Variants in GRIK2 observed in about 807,000 individuals in gnomAD.
GRIK2 encodes glutamate ionotropic receptor kainate type subunit 2.
Under a neutral mutation model 100.3 loss-of-function variants are expected in GRIK2, and 32 were observed. That is an observed-to-expected ratio of 0.32 (90% CI 0.24 to 0.43). GRIK2 has a LOEUF of 0.43. Ranked by LOEUF, GRIK2 falls within the 20% of genes least tolerant of loss-of-function variation. The pLI is 1.00. For synonymous variants in GRIK2, 417 were observed against 389.4 expected, an observed-to-expected ratio of 1.07 and a Z score of -0.83; for missense variants, 843 against 1,114.9, an observed-to-expected ratio of 0.76 and a Z score of 3.47.
chr6:101,778,400 T>G (rs567873524), intron 7 of GRIK2, among the ~76,000 whole-genome samples: 1 of 152,280 alleles, frequency 6.6e-6, no homozygotes, highest in East Asian at 1.9e-4. Context: ...CTCTTAAGAG[T>G]AATTATATTT....
At chr6:101,547,965 A>G (rs1048053343) in intron 2 of GRIK2, among the ~76,000 whole-genome samples, 4 of 152,064 alleles carry the variant, frequency 2.6e-5, no homozygotes, top group African/African-American at 9.7e-5. Context: ...GTTTCTCCAC[A>G]TCCTCTCCAG....
intron 9 of GRIK2, among the ~76,000 whole-genome samples, chr6:101,811,641 T>C (rs1450301006): frequency 2.0e-5 from 3 of 151,908 alleles, no homozygotes; most frequent in African/African-American, 4.8e-5. Flanking sequence ...ATAAATTTCA[T>C]AGAAAATAAG....
chr6:101,541,016 C>T (rs1775956388), intron 2 of GRIK2, among the ~76,000 whole-genome samples: 1 of 151,900 alleles, frequency 6.6e-6, no homozygotes, highest in Admixed American at 6.6e-5. Context: ...AAATGGAAAT[C>T]AAGTCTTGAG....
intron 10 of GRIK2, among the ~76,000 whole-genome samples, chr6:101,853,480 T>C (rs1213215843): frequency 1.2e-4 from 18 of 152,188 alleles, no homozygotes; most frequent in Non-Finnish European, 2.5e-4. Flanking sequence ...TCTCATTTCT[T>C]ATTGGTGGGA....
intron 14 of GRIK2, among the ~76,000 whole-genome samples, chr6:101,962,604 T>C (rs1489942474): frequency 1.3e-5 from 2 of 152,198 alleles, no homozygotes; most frequent in African/African-American, 2.4e-5. Flanking sequence ...TTATTTGTCT[T>C]ATCCATTATT....
chr6:101,938,374 G>C (rs918686201), intron 14 of GRIK2, among the ~76,000 whole-genome samples: 12 of 152,048 alleles, frequency 7.9e-5, no homozygotes, highest in African/African-American at 2.4e-4. Context: ...CTTAACTCCA[G>C]ATAGATCAGG....
intron 2 of GRIK2, among the ~76,000 whole-genome samples, chr6:101,595,615 C>A: frequency 6.6e-6 from 1 of 150,860 alleles, no homozygotes; most frequent in African/African-American, 2.4e-5. Flanking sequence ...TACAAACACA[C>A]ACATGTGTAT....
At chr6:101,905,290 C>T (rs751634643) in intron 12 of GRIK2, among the ~76,000 whole-genome samples, 3 of 151,534 alleles carry the variant, frequency 2.0e-5, no homozygotes, top group Non-Finnish European at 4.4e-5. Context: ...TTATATGGTC[C>T]ATCCTGCAAG....
intron 14 of GRIK2, among the ~76,000 whole-genome samples, chr6:101,967,668 T>G (rs536349630): frequency 1.3e-5 from 2 of 152,006 alleles, no homozygotes; most frequent in Non-Finnish European, 2.9e-5. Context: ...GTGTTTTCCT[T>G]CCCAGTGGGC....
chr6:101,612,349 T>A (rs897269048), intron 2 of GRIK2, among the ~76,000 whole-genome samples: 1 of 151,824 alleles, frequency 6.6e-6, no homozygotes, highest in African/African-American at 2.4e-5. Context: ...TAAATTTTAT[T>A]TGATGGGAAA....
At chr6:101,707,035 A>G (rs943078896) in intron 7 of GRIK2, among the ~76,000 whole-genome samples, 6 of 151,878 alleles carry the variant, frequency 4.0e-5, no homozygotes, top group Admixed American at 3.3e-4. Flanking sequence ...GCCATGTCCT[A>G]TAAGTGTATA....
chr6:101,754,944 T>C (rs1030213430), intron 7 of GRIK2, among the ~76,000 whole-genome samples: 2 of 152,128 alleles, frequency 1.3e-5, no homozygotes, highest in African/African-American at 4.8e-5. Context: ...GGCCTCATAA[T>C]CCACATGGGA....
At chr6:101,529,486 T>C (rs1442895464) in intron 2 of GRIK2, among the ~76,000 whole-genome samples, 1 of 152,126 alleles carries the variant, frequency 6.6e-6, no homozygotes, top group Non-Finnish European at 1.5e-5. Flanking sequence ...ATAAGTTACA[T>C]AATTTATTTG....
intron 2 of GRIK2, among the ~76,000 whole-genome samples, chr6:101,433,264 C>A (rs917428057): frequency 6.6e-5 from 10 of 152,158 alleles, no homozygotes; most frequent in Admixed American, 6.5e-5. Flanking sequence ...ATGCAAGTTA[C>A]CTCCATTTCT....
chr6:101,498,781 T>C (rs1773590862), intron 2 of GRIK2, among the ~76,000 whole-genome samples: 1 of 152,210 alleles, frequency 6.6e-6, no homozygotes, highest in South Asian at 2.1e-4. Flanking sequence ...CTTTATCAGA[T>C]GAGTAGATTG....
chr6:102,056,539 A>G (rs994194756), intron 16 of GRIK2, among the ~76,000 whole-genome samples: 1 of 151,976 alleles, frequency 6.6e-6, no homozygotes, highest in Non-Finnish European at 1.5e-5. Flanking sequence ...AACTTTAACC[A>G]CTGTGGCAGA....
chr6:101,909,881 T>A (rs1788549074), intron 12 of GRIK2, among the ~76,000 whole-genome samples: 1 of 151,050 alleles, frequency 6.6e-6, no homozygotes, highest in African/African-American at 2.4e-5. Flanking sequence ...CATCTACATG[T>A]AGAGAATAAA....
At position 101,700,700 on chromosome 6, in the gene GRIK2, A is replaced by G. The variant is rs183783719; in HGVS notation, c.951+14347A>G. ...AGGTTAAGGCTGAGCGTTTAAGATC[A>G]GTCCCTTCTAACTTGATAACTTGTG... On this transcript the variant is annotated intron_variant, in intron 7 of 16. Transcript: ENST00000369134. Among the ~76,000 whole-genome samples the G allele has an allele frequency of 1.7e-3, 259 of 151,618 alleles. 2 individuals are homozygous for G. The highest frequency in any genetic ancestry group is 3.0e-3 in the Admixed American group (46 of 15,252).
At chr6:101,570,769 T>C (rs1183312047) in intron 2 of GRIK2, among the ~76,000 whole-genome samples, 2 of 152,156 alleles carry the variant, frequency 1.3e-5, no homozygotes, top group Admixed American at 6.6e-5. Context: ...AAGAGTGAAC[T>C]TGGCTGACCT....
Sources: allele counts gnomAD v4.1 joint callset (sites outside exome capture counted in the v4.1 genomes callset), GRCh38; gene constraint gnomAD v4.1.1; transcripts MANE v1.5; gene names NCBI Gene and HGNC (gene_info 2026-07-23, HGNC 2026-07-21).